The following NDUFAF1 variants were observed in gnomAD, a reference collection of about 807,000 sequenced individuals.
NDUFAF1 encodes NADH:ubiquinone oxidoreductase complex assembly factor 1, also known as complex I intermediate-associated protein 30, mitochondrial.
NDUFAF1 carries 18 observed loss-of-function variants against 28.7 expected under a neutral mutation model. That is an observed-to-expected ratio of 0.63 (90% confidence interval 0.43 to 0.93). The LOEUF is 0.93. Ranked by LOEUF, NDUFAF1 falls within the 40% of genes least tolerant of loss-of-function variation. NDUFAF1 has a pLI of 0.00. For missense variants in NDUFAF1, 404 were observed against 398.3 expected (o/e 1.01, Z -0.12); for synonymous variants, 113 against 139.7 (o/e 0.81, Z 1.35).
In NDUFAF1 at chr15:41,401,479, A is replaced by G. The variant is rs191759043; in HGVS notation, c.-82+665T>C. On this transcript the variant is annotated intron_variant, in intron 1 of 4. Transcript: ENST00000260361. ...AGACAGAGTCCAGCTCTGTCCCCCAAGTTGGAGTGCAGTTGTGCGATCTCG... is the reference window on the plus strand; with the variant it reads ...AGACAGAGTCCAGCTCTGTCCCCCAGGTTGGAGTGCAGTTGTGCGATCTCG... Among the ~76,000 whole-genome samples, 394 of 149,182 alleles carry G rather than the reference A, an allele frequency of 2.6e-3. 1 individual carries two copies. Among genetic ancestry groups the G allele is most frequent in the African/African-American group, 9.1e-3 (370 of 40,442 alleles).
At chr15:41,388,641 G>T in intron 3 of NDUFAF1, 119 bp from the exon 4 acceptor site, 1 of 712,608 alleles carries the variant, frequency 1.4e-6, no homozygotes. Context: ...TATGTATTAT[G>T]ACAAATGGCT....
chr15:41,393,757 G>A (rs193212259), intron 3 of NDUFAF1, among the ~76,000 whole-genome samples: 36 of 151,412 alleles, frequency 2.4e-4, no homozygotes, highest in African/African-American at 7.3e-4. Flanking sequence ...ATTTTTAGTA[G>A]AGACAGAGTT....
At chr15:41,395,373 T>A (rs996418592) in intron 2 of NDUFAF1, among the ~76,000 whole-genome samples, 36 of 151,182 alleles carry the variant, frequency 2.4e-4, no homozygotes, top group African/African-American at 7.3e-4. Context: ...TCTTTTCTTT[T>A]CTTTTTTTTT....
In NDUFAF1 at chr15:41,395,036, A is replaced by G. The variant is rs373976159; in HGVS notation, c.582T>C (p.Phe194=). The G allele has an allele frequency of 3.1e-6, 5 of 1,613,830 alleles. No homozygotes were observed. The African/African-American group carries it at 6.7e-5, about 22-fold the overall frequency. The change falls in exon 3 of 5, where the codon TTT becomes TTC. Residue 194 remains phenylalanine, a synonymous_variant. Coordinates refer to ENST00000260361, the MANE Select transcript of NDUFAF1 (RefSeq NM_016013.4). ...AMISRIPRGA[F]ERKMSYDWSQ... is the part of the protein sequence containing the mutation. The stretch of plus-strand genomic sequence containing the variant: ...ACCAATCGTAAGACATCTTCCTCTC[A>G]AAAGCACCCTAAGATATTGAAAGTA...
At chr15:41,388,345 GA>G in intron 4 of NDUFAF1, 102 bp downstream of exon 4, 2 of 959,900 alleles carry the variant, frequency 2.1e-6, no homozygotes, top group Middle Eastern at 2.1e-4. Flanking sequence ...GCCCTGAGAA[GA>G]AATATTCATC....
chr15:41,393,862 C>T (rs1415537511), intron 3 of NDUFAF1, among the ~76,000 whole-genome samples: 1 of 151,832 alleles, frequency 6.6e-6, no homozygotes, highest in African/African-American at 2.4e-5. Context: ...TGAGCCACCG[C>T]GCCTGGCCTC....
In NDUFAF1 at chr15:41,394,420, A is replaced by G. The variant is rs552234948; in HGVS notation, c.759+439T>C. The G allele has an allele frequency of 3.4e-5, 43 of 1,279,542 alleles. No homozygotes were observed. In the African/African-American group the frequency reaches 5.9e-4, roughly 18 times the overall value. 79.3% of individuals were successfully genotyped at this position (1,279,542 alleles called of 1,614,324 possible). A position where few individuals can be genotyped will look rare whatever the true frequency, so the allele number is the denominator to read the frequency against. ...AAACAAACCCCATCTATTTGGACAC[A>G]GAGCAGAGATGTGCCTGTGACTTAG... On this transcript the variant is annotated intron_variant, in intron 3 of 4. Coordinates refer to ENST00000260361, the MANE Select transcript of NDUFAF1 (RefSeq NM_016013.4).
chr15:41,402,920 C>CG (rs1480505529), upstream of NDUFAF1, among the ~76,000 whole-genome samples: 1 of 151,292 alleles, frequency 6.6e-6, no homozygotes, highest in African/African-American at 2.4e-5. Context: ...TTAGTAGAGA[C>CG]GGGGTTTCAC....
At chr15:41,402,596 G>C, upstream of NDUFAF1, 1 of 224,048 alleles carries the variant, frequency 4.5e-6, no homozygotes, top group Non-Finnish European at 9.7e-6. Context: ...GGACCCCGTA[G>C]CCCAGCCAAC....
rs563060450 is a variant in NDUFAF1 at position 41,395,374 on chromosome 15, CTTTT to C, written c.574-334_574-331del. 3.5e-3 allele frequency among the ~76,000 whole-genome samples: 498 copies of C among 141,144 alleles called. 3 individuals carry two copies. The highest frequency in any genetic ancestry group is 0.013 in the African/African-American group (472 of 37,088). 92.6% of individuals were successfully genotyped at this position (141,144 alleles called of 152,430 possible). ...TTTTTCTTTTCTTTTCTTTTCTTTT[CTTTT>C]TTTTTTTTTGAGACGGAGTCTTGCT... On this transcript the variant is annotated intron_variant, in intron 2 of 4. Transcript: ENST00000260361.
Position 41,396,913 on chromosome 15 carries a change from G to C in NDUFAF1, c.147C>G (p.Ala49=). 2 of 1,613,942 alleles carry C rather than the reference G, an allele frequency of 1.2e-6. No homozygotes were observed. Among genetic ancestry groups the C allele is most frequent in the Non-Finnish European group, 1.7e-6 (2 of 1,179,968 alleles). Residue 49 remains alanine (A), a synonymous_variant, in exon 2 of 5, where the codon GCC becomes GCG. Transcript: ENST00000260361. ...LQKPVASPGK[A]SSQRKTEGDL... ...CCCCTTCAGTCTTCCTCTGTGAGGA[G>C]GCTTTGCCAGGAGAAGCCACTGGTT...
chr15:41,401,491 G>A (rs2050463081), intron 1 of NDUFAF1, among the ~76,000 whole-genome samples: 2 of 150,072 alleles, frequency 1.3e-5, no homozygotes, highest in South Asian at 4.2e-4. Context: ...TTGGAGTGCA[G>A]TTGTGCGATC....
chr15:41,391,035 A>C (rs1391460096), intron 3 of NDUFAF1, among the ~76,000 whole-genome samples: 2 of 152,126 alleles, frequency 1.3e-5, no homozygotes, highest in Non-Finnish European at 2.9e-5. Context: ...TCTTACAAAA[A>C]TAAAAATAAA....
chr15:41,402,260 C>G lies in NDUFAF1; in HGVS notation c.-198G>C, dbSNP rs1044592175. On this transcript the variant is annotated 5_prime_UTR_variant, in exon 1 of 5. Transcript: ENST00000260361. ...AACTGACGTTCCAAGGCTAATTTAC[C>G]CGAGGTCACACAGGTAGTGAGTGGC... 16 of 453,962 alleles carry G rather than the reference C, an allele frequency of 3.5e-5. No homozygotes were observed. The highest frequency in any genetic ancestry group is 7.1e-5 in the Non-Finnish European group (16 of 226,794). 28.1% of individuals were successfully genotyped at this position (453,962 alleles called of 1,614,324 possible).
chr15:41,399,392 T>TAAAAAAAAA (rs750171805), intron 1 of NDUFAF1, among the ~76,000 whole-genome samples: 1 of 119,054 alleles, frequency 8.4e-6, no homozygotes. Context: ...TGACTCCAAC[T>TAAAAAAAAA]AAAAAAAAAA....
chr15:41,387,706 A>G (rs1407819632), intron 4 of NDUFAF1, 113 bp from the exon 5 acceptor site: 2 of 820,914 alleles, frequency 2.4e-6, no homozygotes, highest in Admixed American at 4.7e-5. Flanking sequence ...TAATGCTATC[A>G]GCCCTTAGCA....
At chr15:41,401,861 T>C (rs2140933480) in intron 1 of NDUFAF1, among the ~76,000 whole-genome samples, 1 of 152,194 alleles carries the variant, frequency 6.6e-6, no homozygotes, top group East Asian at 1.9e-4. Context: ...ATATTTAAAT[T>C]CCCCCGCGCC....
chr15:41,394,769 C>T (rs1346828453), intron 3 of NDUFAF1, 90 bp downstream of exon 3: 45 of 1,375,586 alleles, frequency 3.3e-5, no homozygotes, highest in South Asian at 2.0e-4. Flanking sequence ...CCACCCACCT[C>T]GGCCTCCCAA....
chr15:41,388,822 G>A (rs2050283390), intron 3 of NDUFAF1, among the ~76,000 whole-genome samples: 1 of 150,886 alleles, frequency 6.6e-6, no homozygotes, highest in Non-Finnish European at 1.5e-5. Context: ...GGGAGGTAGA[G>A]GTTGCAGTAA....
Sources: gnomAD v4.1 joint callset for allele counts (sites outside exome capture counted in the v4.1 genomes callset) on GRCh38, gnomAD v4.1.1 for gene constraint, MANE v1.5 for transcripts, NCBI Gene and HGNC (gene_info 2026-07-23, HGNC 2026-07-21) for gene names.